The following SLC10A1 variants were observed in gnomAD, a reference collection of about 807,000 sequenced individuals.
SLC10A1 encodes solute carrier family 10 member 1.
Under a neutral mutation model 20.5 loss-of-function variants are expected in SLC10A1, and 36 were observed. The observed-to-expected ratio is 1.75, with a 90% CI of 1.34 to 2.32. SLC10A1 has a LOEUF of 2.32. Among genes scored for constraint, SLC10A1 ranks in the 30% most tolerant of loss-of-function variants. The probability of loss-of-function intolerance (pLI) is 0.00; values close to 1 mark genes in which losing one functional copy is unlikely to be tolerated. For synonymous variants in SLC10A1, 188 were observed against 163.6 expected, an observed-to-expected ratio of 1.15 and a Z score of -1.14; for missense variants, 545 against 439.1, an observed-to-expected ratio of 1.24 and a Z score of -2.16.
At chr14:69,793,906 C>G (rs1447403414) in intron 1 of SLC10A1, among the ~76,000 whole-genome samples, 1 of 152,202 alleles carries the variant, frequency 6.6e-6, no homozygotes, top group Non-Finnish European at 1.5e-5. Flanking sequence ...GTCTAGTGGC[C>G]TTCCTTGAGG....
intron 1 of SLC10A1, among the ~76,000 whole-genome samples, chr14:69,787,915 C>T (rs1247665939): frequency 6.6e-6 from 1 of 152,016 alleles, no homozygotes; most frequent in East Asian, 1.9e-4. Context: ...CAAAAATTAG[C>T]CAGGTGTGGT....
chr14:69,784,290 T>A (rs1321647004), intron 2 of SLC10A1, among the ~76,000 whole-genome samples: 1 of 152,142 alleles, frequency 6.6e-6, no homozygotes, highest in Non-Finnish European at 1.5e-5. Context: ...GAGGCAGTGG[T>A]CAATTATGTC....
Position 69,776,010 on chromosome 14 carries a change from C to G in SLC10A1, c.*272G>C. The G allele has an allele frequency of 4.8e-6, 2 of 417,578 alleles. No individual in the cohort carries two copies. Among genetic ancestry groups the G allele is most frequent in the Non-Finnish European group, 8.6e-6 (2 of 232,960 alleles). The allele number at this position is 417,578 out of a possible 1,614,324, so 25.9% of individuals were successfully genotyped here. On this transcript the variant is annotated 3_prime_UTR_variant, in exon 5 of 5. Coordinates refer to ENST00000216540, the MANE Select transcript of SLC10A1 (RefSeq NM_003049.4). ...TATCAGACACTTTTAGAGATCCCAG[C>G]AAGAGGCAGATTCGGTTTCTGGTTT...
At position 69,786,043 on chromosome 14, in the gene SLC10A1, T is replaced by C. The variant is rs115687332; in HGVS notation, c.567+54A>G. On this transcript the variant is annotated intron_variant, in intron 2 of 4. Coordinates refer to ENST00000216540, the MANE Select transcript of SLC10A1 (RefSeq NM_003049.4). Reference sequence around the variant, plus strand: ...ATATAATGATTATATCTTATAGTTGTATATGGTGTTTTTACTCTTTTGCCC... The same window carrying C: ...ATATAATGATTATATCTTATAGTTGCATATGGTGTTTTTACTCTTTTGCCC... 635 of 1,220,960 alleles carry C rather than the reference T, an allele frequency of 5.2e-4. 4 individuals are homozygous for C. In the African/African-American group the frequency reaches 8.8e-3, roughly 17 times the overall value. The allele number at this position is 1,220,960 out of a possible 1,614,324, so 75.6% of individuals were successfully genotyped here. A position where few individuals can be genotyped will look rare whatever the true frequency, so the allele number is the denominator to read the frequency against.
intron 1 of SLC10A1, among the ~76,000 whole-genome samples, chr14:69,789,863 G>T (rs1883799995): frequency 6.7e-6 from 1 of 148,220 alleles, no homozygotes. Flanking sequence ...AGAAAAGGAA[G>T]AAATTTTTTA....
chr14:69,778,768 T>C (rs1417788969), intron 3 of SLC10A1, among the ~76,000 whole-genome samples: 3 of 152,178 alleles, frequency 2.0e-5, no homozygotes, highest in African/African-American at 4.8e-5. Flanking sequence ...TCTGAACATA[T>C]TGCCAGGAAA....
At position 69,780,812 on chromosome 14, in the gene SLC10A1, T is replaced by C. The variant is rs142413830; in HGVS notation, c.568-1452A>G. ...CTCAGTTTACCTTTGCATTTTTAGT[T>C]GATTTCCCCTTTTAGATTTCTGTCT... On this transcript the variant is annotated intron_variant, in intron 2 of 4. Transcript: ENST00000216540. Among the ~76,000 whole-genome samples the C allele has an allele frequency of 2.5e-3, 387 of 152,356 alleles. 3 individuals carry two copies. The highest frequency in any genetic ancestry group is 7.1e-3 in the African/African-American group (297 of 41,590).
At chr14:69,790,592 T>G (rs958963951) in intron 1 of SLC10A1, among the ~76,000 whole-genome samples, 5 of 152,078 alleles carry the variant, frequency 3.3e-5, no homozygotes. Flanking sequence ...TTTAATGTTC[T>G]TACATAATAA....
intron 4 of SLC10A1, among the ~76,000 whole-genome samples, chr14:69,777,578 GTT>G (rs4646293): frequency 1.4e-5 from 1 of 72,448 alleles, no homozygotes; most frequent in African/African-American, 5.2e-5. Flanking sequence ...TGAATGTCCT[GTT>G]TTTTTTTTTT....
chr14:69,792,346 GA>G (rs1301538493), intron 1 of SLC10A1, among the ~76,000 whole-genome samples: 2 of 151,920 alleles, frequency 1.3e-5, no homozygotes, highest in Non-Finnish European at 2.9e-5. Flanking sequence ...AATAACTTTA[GA>G]AATTAATTTT....
chr14:69,790,824 G>A (rs1294631594), intron 1 of SLC10A1, among the ~76,000 whole-genome samples: 1 of 152,012 alleles, frequency 6.6e-6, no homozygotes, highest in African/African-American at 2.4e-5. Context: ...ATAGGGATGG[G>A]AAAAGAAGAA....
At position 69,776,136 on chromosome 14, in the gene SLC10A1, G is replaced by T; in HGVS notation, c.*146C>A. 1 of 641,202 alleles carries T rather than the reference G, an allele frequency of 1.6e-6. No individual in the cohort carries two copies. The highest frequency in any genetic ancestry group is 2.7e-6 in the Non-Finnish European group (1 of 363,706). The allele number at this position is 641,202 out of a possible 1,614,324, so 39.7% of individuals were successfully genotyped here. A position where few individuals can be genotyped will look rare whatever the true frequency, so the allele number is the denominator to read the frequency against. On this transcript the variant is annotated 3_prime_UTR_variant, in exon 5 of 5. Transcript: ENST00000216540. ...GGGTAGACACCCTGTCTGTGTTCCC[G>T]GCCAAGACTTGATGATTCTGATAGA... is the stretch of plus-strand genomic sequence containing the variant.
chr14:69,796,201 A>T (rs1882383617), intron 1 of SLC10A1, among the ~76,000 whole-genome samples: 1 of 152,010 alleles, frequency 6.6e-6, no homozygotes, highest in Non-Finnish European at 1.5e-5. Flanking sequence ...GCCTATCTGG[A>T]GTGGGTGCTG....
At chr14:69,792,536 A>G (rs1352280517) in intron 1 of SLC10A1, among the ~76,000 whole-genome samples, 1 of 152,196 alleles carries the variant, frequency 6.6e-6, no homozygotes, top group Admixed American at 6.5e-5. Context: ...AAAAAGTCTG[A>G]CAATTCCAAA....
intron 4 of SLC10A1, among the ~76,000 whole-genome samples, chr14:69,777,872 G>A (rs1883486933): frequency 6.6e-6 from 1 of 151,386 alleles, no homozygotes; most frequent in South Asian, 2.1e-4. Flanking sequence ...TTATATTAGG[G>A]TGCATTGCTT....
intron 2 of SLC10A1, among the ~76,000 whole-genome samples, chr14:69,783,294 GCT>G (rs1883640100): frequency 1.6e-5 from 2 of 127,606 alleles, no homozygotes; most frequent in African/African-American, 1.0e-4. Context: ...TTATGGTCTT[GCT>G]TCTTGATAAA....
chr14:69,787,117 A>G (rs912752985), intron 1 of SLC10A1, among the ~76,000 whole-genome samples: 5 of 152,232 alleles, frequency 3.3e-5, no homozygotes, highest in Admixed American at 6.5e-5. Flanking sequence ...CATCTTGGAT[A>G]GTATTCCAGT....
chr14:69,794,948 C>T (rs11622925), intron 1 of SLC10A1, among the ~76,000 whole-genome samples: 11,328 of 152,250 alleles, frequency 0.074, 595 homozygotes, highest in East Asian at 0.15. Context: ...GGCGATGGGG[C>T]TGGGACATCT....
At chr14:69,787,302 C>T (rs1226974021) in intron 1 of SLC10A1, among the ~76,000 whole-genome samples, 1 of 152,216 alleles carries the variant, frequency 6.6e-6, no homozygotes, top group African/African-American at 2.4e-5. Flanking sequence ...AGGACCCTGT[C>T]TAGGGAGAGG....
Sources: allele counts gnomAD v4.1 joint callset (sites outside exome capture counted in the v4.1 genomes callset), GRCh38; gene constraint gnomAD v4.1.1; transcripts MANE v1.5; gene names NCBI Gene and HGNC (gene_info 2026-07-23, HGNC 2026-07-21).